Variants in SCAPER observed in about 807,000 individuals in gnomAD.
SCAPER encodes S-phase cyclin A associated protein in the ER.
SCAPER carries 98 observed loss-of-function variants against 182.2 expected under a neutral mutation model. The ratio of observed to expected loss-of-function variants is 0.54; its 90% CI spans 0.46 to 0.64. SCAPER has a LOEUF of 0.64. SCAPER is among the 30% of genes least tolerant of loss of function. The pLI is 0.00. For missense variants in SCAPER, 1,432 were observed against 1,690.0 expected (o/e 0.85, Z 2.68); for synonymous variants, 605 against 564.6 (o/e 1.07, Z -1.01).
chr15:76,579,627 A>G lies in SCAPER; in HGVS notation c.2712-5343T>C, dbSNP rs142220635. On this transcript the variant is annotated intron_variant, in intron 22 of 31. Transcript: ENST00000563290. ...AAAGAGAGAAAGGAAGAAAAGAAGG[A>G]AAAGACCACAAAATAACCAGAAAAC... Among the ~76,000 whole-genome samples the G allele has an allele frequency of 5.1e-4, 77 of 152,244 alleles. 1 individual carries two copies. Among genetic ancestry groups the G allele is most frequent in the African/African-American group, 1.7e-3 (72 of 41,572 alleles).
intron 17 of SCAPER, among the ~76,000 whole-genome samples, chr15:76,724,986 T>G (rs1035550159): frequency 1.3e-5 from 2 of 152,010 alleles, no homozygotes; most frequent in Non-Finnish European, 2.9e-5. Flanking sequence ...CATTCCTCAG[T>G]TGGAAATGCA....
At chr15:76,476,595 ATTT>A (rs5813839) in intron 24 of SCAPER, among the ~76,000 whole-genome samples, 352 of 73,476 alleles carry the variant, frequency 4.8e-3, no homozygotes, top group African/African-American at 0.017. Context: ...CACCCAGCTA[ATTT>A]TTTTTTTTTT....
chr15:76,434,398 G>C, intron 25 of SCAPER, 88 bp from the exon 26 acceptor site: 1 of 953,954 alleles, frequency 1.0e-6, no homozygotes, highest in Non-Finnish European at 1.6e-6. Context: ...GGAATCATAA[G>C]TAATTTTGAC....
intron 21 of SCAPER, among the ~76,000 whole-genome samples, chr15:76,658,609 T>A (rs1567723375): frequency 6.6e-6 from 1 of 152,100 alleles, no homozygotes; most frequent in Non-Finnish European, 1.5e-5. Flanking sequence ...GCCAGAGCAA[T>A]CCTACGTAAA....
chr15:76,358,172 A>C (rs992970781), intron 29 of SCAPER, among the ~76,000 whole-genome samples: 1 of 152,264 alleles, frequency 6.6e-6, no homozygotes, highest in Non-Finnish European at 1.5e-5. Context: ...CTACATTTTG[A>C]ATTTGGGACA....
intron 8 of SCAPER, among the ~76,000 whole-genome samples, chr15:76,789,189 A>G (rs1003620064): frequency 2.0e-5 from 3 of 152,218 alleles, no homozygotes; most frequent in African/African-American, 7.2e-5. Flanking sequence ...ATTAAAATTC[A>G]GCACATATAA....
chr15:76,487,982 A>G (rs1272149485), intron 24 of SCAPER, among the ~76,000 whole-genome samples: 1 of 152,190 alleles, frequency 6.6e-6, no homozygotes, highest in Non-Finnish European at 1.5e-5. Context: ...GGGGTGGTCA[A>G]TGTTTCTAGA....
In SCAPER at chr15:76,436,086, G is replaced by A. The variant is rs112032884; in HGVS notation, c.3079-1776C>T. Among the ~76,000 whole-genome samples, 593 of 151,418 alleles carry A rather than the reference G, an allele frequency of 3.9e-3. 1 individual carries two copies. Among genetic ancestry groups the A allele is most frequent in the Non-Finnish European group, 7.3e-3 (494 of 67,896 alleles). ...TTTTTGTTTTGTTTTGTTTTTTTTG[G>A]AGACAGAGTCTCACTCTGTCATCCA... is the stretch of plus-strand genomic sequence containing the variant. On this transcript the variant is annotated intron_variant, in intron 25 of 31. Transcript: ENST00000563290.
At chr15:76,507,446 C>A (rs1431311217) in intron 23 of SCAPER, among the ~76,000 whole-genome samples, 1 of 152,164 alleles carries the variant, frequency 6.6e-6, no homozygotes, top group Non-Finnish European at 1.5e-5. Flanking sequence ...AATACAACCC[C>A]TCTATTACAT....
chr15:76,681,932 A>G (rs1371991076), intron 20 of SCAPER, among the ~76,000 whole-genome samples: 1 of 152,174 alleles, frequency 6.6e-6, no homozygotes, highest in African/African-American at 2.4e-5. Context: ...AGTGATTGTC[A>G]GACCTGGACA....
intron 26 of SCAPER, among the ~76,000 whole-genome samples, chr15:76,433,761 T>A (rs759914954): frequency 1.2e-4 from 18 of 152,228 alleles, no homozygotes; most frequent in Non-Finnish European, 2.5e-4. Context: ...GTTTTCCAAA[T>A]TGTGTTTATC....
intron 24 of SCAPER, among the ~76,000 whole-genome samples, chr15:76,488,961 G>A (rs1252816261): frequency 1.3e-5 from 2 of 151,022 alleles, no homozygotes; most frequent in African/African-American, 2.4e-5. Flanking sequence ...GACCTCAGGT[G>A]ATCCACCTGT....
At chr15:76,642,993 G>C (rs2146404492) in intron 21 of SCAPER, among the ~76,000 whole-genome samples, 1 of 152,272 alleles carries the variant, frequency 6.6e-6, no homozygotes, top group East Asian at 1.9e-4. Flanking sequence ...ACATTGAACA[G>C]GTTTACAAAT....
At chr15:76,784,027 C>G (rs2064379122) in intron 8 of SCAPER, among the ~76,000 whole-genome samples, 1 of 152,178 alleles carries the variant, frequency 6.6e-6, no homozygotes, top group Admixed American at 6.5e-5. Context: ...GTTGGAAGTT[C>G]TGGCCAGGGC....
At position 76,537,393 on chromosome 15, in the gene SCAPER, G is replaced by C. The variant is rs189599590; in HGVS notation, c.2839-32419C>G. Among the ~76,000 whole-genome samples the C allele has an allele frequency of 1.2e-3, 179 of 152,282 alleles. 2 individuals are homozygous for C. The highest frequency in any genetic ancestry group is 2.1e-3 in the Admixed American group (32 of 15,296). ...AGATACAGATCAATGGAACAGAACAGAGCCCTCAGAAATAACGCTGCTTAT... is the reference window on the plus strand; with the variant it reads ...AGATACAGATCAATGGAACAGAACACAGCCCTCAGAAATAACGCTGCTTAT... On this transcript the variant is annotated intron_variant, in intron 23 of 31. Transcript: ENST00000563290.
intron 20 of SCAPER, among the ~76,000 whole-genome samples, chr15:76,669,955 C>A (rs552777346): frequency 5.9e-5 from 9 of 152,262 alleles, no homozygotes; most frequent in Admixed American, 1.3e-4. Flanking sequence ...TACACAAATG[C>A]AGTCACTAAA....
At chr15:76,870,970 A>C (rs1420102423) in intron 2 of SCAPER, among the ~76,000 whole-genome samples, 1 of 152,212 alleles carries the variant, frequency 6.6e-6, no homozygotes, top group Non-Finnish European at 1.5e-5. Flanking sequence ...AAACCTTAGA[A>C]GTAGTTACAA....
At chr15:76,871,506 C>T (rs950865512) in intron 2 of SCAPER, among the ~76,000 whole-genome samples, 9 of 149,574 alleles carry the variant, frequency 6.0e-5, no homozygotes, top group South Asian at 4.2e-4. Flanking sequence ...GATGGGATAG[C>T]GATGGGGACT....
At chr15:76,600,582 T>G (rs2049865422) in intron 22 of SCAPER, among the ~76,000 whole-genome samples, 1 of 116,860 alleles carries the variant, frequency 8.6e-6, no homozygotes, top group African/African-American at 2.6e-5. Flanking sequence ...CCCGAGTAGC[T>G]GGGATTACAG....
Sources: allele counts gnomAD v4.1 joint callset (sites outside exome capture counted in the v4.1 genomes callset), GRCh38; gene constraint gnomAD v4.1.1; transcripts MANE v1.5; gene names NCBI Gene and HGNC (gene_info 2026-07-23, HGNC 2026-07-21).